The following PRKD1 variants were observed in gnomAD, a reference collection of about 807,000 sequenced individuals.
PRKD1 encodes serine/threonine-protein kinase D1.
A neutral mutation model predicts 95.9 loss-of-function variants in PRKD1; 63 were observed. The ratio of observed to expected loss-of-function variants is 0.66; its 90% CI spans 0.54 to 0.81. The LOEUF (loss-of-function observed/expected upper bound fraction) is 0.81. Among genes scored for constraint, PRKD1 ranks in the 30% least tolerant of loss-of-function variants. The pLI is 0.00. For missense variants in PRKD1, 1,048 were observed against 1,165.3 expected, an observed-to-expected ratio of 0.90 and a Z score of 1.47; for synonymous variants, 425 against 423.1, an observed-to-expected ratio of 1.00 and a Z score of -0.05.
At chr14:29,774,152 A>C (rs763432242) in intron 1 of PRKD1, among the ~76,000 whole-genome samples, 7 of 152,210 alleles carry the variant, frequency 4.6e-5, no homozygotes, top group African/African-American at 7.2e-5. Context: ...TCTGCACTGA[A>C]AGTATAAATG....
chr14:29,620,391 C>T (rs1594368002), intron 13 of PRKD1, among the ~76,000 whole-genome samples: 2 of 149,340 alleles, frequency 1.3e-5, no homozygotes, highest in Non-Finnish European at 3.0e-5. Context: ...AACAGGCAAC[C>T]TACAAAATGG....
intron 4 of PRKD1, among the ~76,000 whole-genome samples, chr14:29,645,058 G>C (rs1351619155): frequency 1.3e-5 from 2 of 152,074 alleles, no homozygotes; most frequent in Non-Finnish European, 2.9e-5. Context: ...AGGTAGTTTT[G>C]CTCCAGATAA....
At chr14:29,802,554 A>T (rs1050225486) in intron 1 of PRKD1, among the ~76,000 whole-genome samples, 32 of 152,362 alleles carry the variant, frequency 2.1e-4, no homozygotes, top group African/African-American at 7.2e-4. Flanking sequence ...AAAACAAGGT[A>T]ACAAAGTGAC....
chr14:29,579,976 G>C (rs1243900127), intron 16 of PRKD1, among the ~76,000 whole-genome samples: 2 of 152,152 alleles, frequency 1.3e-5, no homozygotes, highest in Admixed American at 1.3e-4. Flanking sequence ...GGTGAGTAAA[G>C]TGCACCTTCC....
At chr14:29,781,138 G>A (rs111724681) in intron 1 of PRKD1, among the ~76,000 whole-genome samples, 2,302 of 121,488 alleles carry the variant, frequency 0.019, 63 homozygotes, top group African/African-American at 0.062. Context: ...GGGGCCTGTC[G>A]TGGGGTGGGG....
intron 2 of PRKD1, among the ~76,000 whole-genome samples, chr14:29,670,339 G>A (rs1882765986): frequency 6.6e-6 from 1 of 152,152 alleles, no homozygotes; most frequent in Admixed American, 6.6e-5. Flanking sequence ...AAGACAAAGG[G>A]TGGCTAAGTC....
chr14:29,640,414 C>T (rs767412184), intron 4 of PRKD1, among the ~76,000 whole-genome samples: 3 of 152,082 alleles, frequency 2.0e-5, no homozygotes, highest in Non-Finnish European at 4.4e-5. Flanking sequence ...GATTCACTAG[C>T]TACAGTAAAA....
intron 2 of PRKD1, among the ~76,000 whole-genome samples, chr14:29,696,387 C>G (rs185372693): frequency 3.3e-5 from 5 of 152,158 alleles, no homozygotes; most frequent in African/African-American, 9.6e-5. Flanking sequence ...TTATAAGATA[C>G]GAAAATCAAG....
intron 1 of PRKD1, among the ~76,000 whole-genome samples, chr14:29,903,441 G>A (rs1894389927): frequency 6.6e-6 from 1 of 152,158 alleles, no homozygotes; most frequent in South Asian, 2.1e-4. Flanking sequence ...GGATACTACT[G>A]AGGAACAACC....
chr14:29,653,495 A>T (rs1373783464), intron 4 of PRKD1, among the ~76,000 whole-genome samples: 2 of 152,158 alleles, frequency 1.3e-5, no homozygotes, highest in African/African-American at 4.8e-5. Context: ...ATGCTGTGTC[A>T]TCAATTATAT....
At chr14:29,698,022 T>C (rs1884626571) in intron 2 of PRKD1, among the ~76,000 whole-genome samples, 2 of 152,182 alleles carry the variant, frequency 1.3e-5, no homozygotes, top group South Asian at 2.1e-4. Flanking sequence ...GAAGTGTGTT[T>C]TTCTGATTAC....
chr14:29,864,025 T>A (rs1892799752), intron 1 of PRKD1, among the ~76,000 whole-genome samples: 3 of 152,106 alleles, frequency 2.0e-5, no homozygotes, highest in Admixed American at 1.3e-4. Flanking sequence ...AATGCTTGTT[T>A]TTTCAAAATT....
chr14:29,734,777 TC>T (rs1281075257), intron 1 of PRKD1, among the ~76,000 whole-genome samples: 1 of 152,190 alleles, frequency 6.6e-6, no homozygotes, highest in Non-Finnish European at 1.5e-5. Context: ...TACACAGATT[TC>T]TGGAGCTCTT....
In PRKD1 at chr14:29,927,358, T is replaced by G; in HGVS notation, c.155A>C (p.His52Pro). ...CTCACGGCTCAGGCCGATCTGCAGA[T>G]GGAACGAGATGCCCCCGACCGGGGC... ...VAAPVGGISF[H>P]LQIGLSREPV... Residue 52 changes from histidine to proline, a missense_variant, in exon 1 of 18, where the codon CAT (histidine) becomes CCT (proline). Physicochemically the swap from His to Pro is moderately conservative, Grantham distance 77 (BLOSUM62 -2). Around this residue, in one of 3 missense-constraint regions of PRKD1, gnomAD observed 275 missense variants for 248.6 expected, o/e 1.11. Transcript: ENST00000331968. 1 of 1,562,794 alleles carries G rather than the reference T, an allele frequency of 6.4e-7. No homozygotes were observed. Among genetic ancestry groups the G allele is most frequent in the Non-Finnish European group, 8.6e-7 (1 of 1,156,636 alleles).
intron 1 of PRKD1, among the ~76,000 whole-genome samples, chr14:29,730,347 T>C (rs1315841522): frequency 6.6e-6 from 1 of 151,942 alleles, no homozygotes; most frequent in Non-Finnish European, 1.5e-5. Flanking sequence ...ATGGCTACTA[T>C]AAAAACAAAA....
At chr14:29,628,247 T>G (rs759802748) in intron 11 of PRKD1, among the ~76,000 whole-genome samples, 1 of 152,226 alleles carries the variant, frequency 6.6e-6, no homozygotes, top group Non-Finnish European at 1.5e-5. Flanking sequence ...TAAGGATGAA[T>G]AGAGTTTCAT....
chr14:29,922,648 C>T (rs1047828045), intron 1 of PRKD1, among the ~76,000 whole-genome samples: 4 of 152,026 alleles, frequency 2.6e-5, no homozygotes, highest in Admixed American at 1.3e-4. Context: ...CTTTGGAAGG[C>T]TGAGGTGGGA....
chr14:29,890,517 A>T (rs1385271590), intron 1 of PRKD1, among the ~76,000 whole-genome samples: 1 of 152,228 alleles, frequency 6.6e-6, no homozygotes, highest in African/African-American at 2.4e-5. Context: ...AGATAGATAG[A>T]TACATAGATA....
intron 13 of PRKD1, among the ~76,000 whole-genome samples, chr14:29,613,751 CA>C (rs1242866012): frequency 6.6e-6 from 1 of 152,148 alleles, no homozygotes; most frequent in Non-Finnish European, 1.5e-5. Context: ...GGTAACATAT[CA>C]AAGGTTCTCC....
Sources: gnomAD v4.1 joint callset for allele counts (sites outside exome capture counted in the v4.1 genomes callset) on GRCh38, gnomAD v4.1.1 for gene constraint, gnomAD v4.1.1 regional missense constraint, MANE v1.5 for transcripts, NCBI Gene and HGNC (gene_info 2026-07-23, HGNC 2026-07-21) for gene names.